MST1R: variants seen among roughly 807,000 people sequenced by gnomAD.
The protein encoded by MST1R is macrophage-stimulating protein receptor.
In MST1R, 99 loss-of-function variants were observed where a neutral mutation model predicts 117.8. That is an observed-to-expected ratio of 0.84 (90% CI 0.71 to 0.99). The LOEUF (loss-of-function observed/expected upper bound fraction) is 0.99. Among genes scored for constraint, MST1R ranks in the 50% least tolerant of loss-of-function variants. MST1R has a pLI of 0.00. For synonymous variants in MST1R, 734 were observed against 765.3 expected (o/e 0.96, Z 0.68); for missense variants, 1,683 against 1,840.2 (o/e 0.91, Z 1.56).
chr3:49,889,906 C>T lies in MST1R; in HGVS notation c.3947+18G>A, dbSNP rs199540142. 8.7e-5 allele frequency: 141 copies of T among 1,614,058 alleles called. 4 individuals are homozygous for T. In the East Asian group the frequency reaches 3.1e-3, roughly 36 times the overall value. Reference sequence around the variant, plus strand: ...CTGGGGCCCAGTTCCCTCCCCACTACCACCTCCACATACTCACAGAGAATC... The same window carrying T: ...CTGGGGCCCAGTTCCCTCCCCACTATCACCTCCACATACTCACAGAGAATC... On this transcript the variant is annotated intron_variant, in intron 19 of 19. Transcript: ENST00000296474.
rs749581478 is a variant in MST1R, at chr3:49,902,951, C to A, written c.659G>T (p.Arg220Leu). The change falls in exon 1 of 20, where the codon CGT becomes CTT. Residue 220 changes from arginine to leucine, a missense_variant. Physicochemically the swap from Arg to Leu is moderately radical, Grantham distance 102 (BLOSUM62 -2). Coordinates refer to ENST00000296474, the MANE Select transcript of MST1R (RefSeq NM_002447.4). ...GAATCCCGAGGCGTCAGCCTTGAGA[C>A]GCCTGATAGACACTGAGCGTGGGCT... ...SFSPRSVSIR[R>L]LKADASGFAP... is the part of the protein sequence containing the mutation. 3 of 1,613,324 alleles carry A rather than the reference C, an allele frequency of 1.9e-6. No individual in the cohort carries two copies. Among genetic ancestry groups the A allele is most frequent in the South Asian group, 2.2e-5 (2 of 91,090 alleles).
rs1384024256 is a variant in MST1R, at chr3:49,898,555, G to A, written c.1682C>T (p.Ser561Phe). ...MCGQQKECPG[S>F]WQQDHCPPKL... ...AGGTGGGCAGTGGTCCTGTTGCCAGGAGCCAGGACACTCCTTCTGCTGGCC... is the reference window on the plus strand; with the variant it reads ...AGGTGGGCAGTGGTCCTGTTGCCAGAAGCCAGGACACTCCTTCTGCTGGCC... Residue 561 changes from serine (S) to phenylalanine (F), a missense_variant, in exon 4 of 20, where the codon TCC becomes TTC. Physicochemically the swap from Ser to Phe is radical, Grantham distance 155. Transcript: ENST00000296474. 3.7e-6 allele frequency: 6 copies of A among 1,613,902 alleles called. No homozygotes were observed. Among genetic ancestry groups the A allele is most frequent in the Non-Finnish European group, 4.2e-6 (5 of 1,180,044 alleles).
At position 49,898,106 on chromosome 3, in the gene MST1R, C is replaced by T; in HGVS notation, c.1825G>A (p.Val609Ile). ...SGLVPEGTHQ[V>I]TVGQSPCRPL... ...CGGCAGGGACTTTGGCCCACAGTGA[C>T]CTGATGGGTTCCCTCAGGCACCAGA... Residue 609 changes from valine (V) to isoleucine (I), a missense_variant, in exon 5 of 20, where the codon GTC becomes ATC. Coordinates refer to ENST00000296474, the MANE Select transcript of MST1R (RefSeq NM_002447.4). The T allele has an allele frequency of 3.1e-6, 5 of 1,614,098 alleles. No homozygotes were observed. Among genetic ancestry groups the T allele is most frequent in the Non-Finnish European group, 4.2e-6 (5 of 1,180,026 alleles).
chr3:49,899,622 C>T, intron 1 of MST1R: 1 of 215,106 alleles, frequency 4.6e-6, no homozygotes, highest in East Asian at 1.2e-4. Context: ...GTTGCTGGGG[C>T]TGGAGGGCAA....
rs1411426760 is a variant in MST1R at position 49,898,918 on chromosome 3, C to CT, written c.1496dup (p.Arg500AlafsTer71). 1.2e-6 allele frequency: 2 copies of CT among 1,614,184 alleles called. No homozygotes were observed. The highest frequency in any genetic ancestry group is 4.5e-5 in the East Asian group (2 of 44,888). ...GGTCCCCAAGACGACTGACATCCCG[C>CT]TGCACGGGCTGCCCACTGTCACCCA... On this transcript the variant is annotated frameshift_variant, in exon 3 of 20. Transcript: ENST00000296474. LOFTEE classifies it high-confidence loss of function.
chr3:49,895,978 C>A lies in MST1R; in HGVS notation c.2779G>T (p.Asp927Tyr), dbSNP rs777650286. Residue 927 changes from aspartate to tyrosine, a missense_variant, in exon 11 of 20, where the codon GAT becomes TAT. By Grantham distance (160) the Asp-to-Tyr change is radical (BLOSUM62 -3). Coordinates refer to ENST00000296474, the MANE Select transcript of MST1R (RefSeq NM_002447.4). ...CTGCCTACCTGCAATGGGGCACCAT[C>A]CTGGCCAAGCTGCAGGGATGGGGGC... ...PLPPSLQLGQ[D>Y]GAPLQVCVDG... is the part of the protein sequence containing the mutation. 1.3e-6 allele frequency: 2 copies of A among 1,577,578 alleles called. No homozygotes were observed. Among genetic ancestry groups the A allele is most frequent in the South Asian group, 2.4e-5 (2 of 83,674 alleles).
Position 49,903,185 on chromosome 3 carries a change from CGG to C in MST1R, c.423_424del (p.Arg142LeufsTer5), listed in dbSNP as rs2082749344. The C allele has an allele frequency of 1.9e-6, 3 of 1,605,222 alleles. No individual in the cohort carries two copies. The African/African-American group carries it at 4.0e-5, about 21-fold the overall frequency. ...GGGCTCTAGGTCATGCAGGAAGCAGCGGCCCTGCAGGCTGGAGCCACAACTGA... is the reference window on the plus strand; with the variant it reads ...GGGCTCTAGGTCATGCAGGAAGCAGCCCCTGCAGGCTGGAGCCACAACTGA... On this transcript the variant is annotated frameshift_variant, in exon 1 of 20. Transcript: ENST00000296474. LOFTEE classifies it high-confidence loss of function.
rs142316058 is a variant in MST1R, at chr3:49,887,852, C to T, written c.3948-290G>A. Among the ~76,000 whole-genome samples the T allele has an allele frequency of 2.0e-3, 304 of 152,346 alleles. 3 individuals are homozygous for T. The highest frequency in any genetic ancestry group is 7.0e-3 in the African/African-American group (291 of 41,574). On this transcript the variant is annotated intron_variant, in intron 19 of 19. Coordinates refer to ENST00000296474, the MANE Select transcript of MST1R (RefSeq NM_002447.4). ...GGATAAGTTCCTTAACTTCTCTGTGCCTCTGGGTCCTCCTCTGATCACAGA... is the reference window on the plus strand; with the variant it reads ...GGATAAGTTCCTTAACTTCTCTGTGTCTCTGGGTCCTCCTCTGATCACAGA...
At chr3:49,899,457 GC>G in intron 1 of MST1R, 194 bp from the exon 2 acceptor site, 1 of 601,978 alleles carries the variant, frequency 1.7e-6, no homozygotes, top group Non-Finnish European at 2.9e-6. Context: ...CAGGGAGAAG[GC>G]CCAGGCTGGA....
intron 14 of MST1R, among the ~76,000 whole-genome samples, chr3:49,894,283 C>T (rs1246399845): frequency 6.6e-6 from 1 of 151,652 alleles, no homozygotes; most frequent in Non-Finnish European, 1.5e-5. Flanking sequence ...ATAAAACAGG[C>T]TGGGTTCGGT....
In MST1R at chr3:49,902,402, G is replaced by A. The variant is rs371024286; in HGVS notation, c.1208C>T (p.Ser403Leu). The change falls in exon 1 of 20, where the codon TCG (serine) becomes TTG (leucine). Residue 403 changes from serine (S) to leucine (L), a missense_variant. Physicochemically the swap from Ser to Leu is moderately radical, Grantham distance 145. Transcript: ENST00000296474. ...TACCGGGTTGGGGCAAAAACTGGGC[G>A]ACTGGAAGAAGTCGAGGCCTCGCCG... ...GLRRGLDFFQ[S>L]PSFCPNPPGL... is the part of the protein sequence containing the mutation. 6.6e-5 allele frequency: 107 copies of A among 1,613,718 alleles called. No homozygotes were observed. The highest frequency in any genetic ancestry group is 9.9e-5 in the South Asian group (9 of 91,052).
At position 49,896,849 on chromosome 3, in the gene MST1R, G is replaced by A; in HGVS notation, c.2225C>T (p.Ala742Val). 6.5e-7 allele frequency: 1 copy of A among 1,549,464 alleles called. No homozygotes were observed. The highest frequency in any genetic ancestry group is 1.4e-5 in the African/African-American group (1 of 73,100). Residue 742 changes from alanine to valine, a missense_variant, in exon 8 of 20, where the codon GCC becomes GTC. Physicochemically the swap from Ala to Val is moderately conservative, Grantham distance 64. Transcript: ENST00000296474. ...GCTAAGGGGGACACTGGCCACCGTG[G>A]CCCCAGGGGGTGTGGCACATAAAAG... is the stretch of plus-strand genomic sequence containing the variant. Reference protein sequence around the residue: ...GQLLCATPPGATVASVPLSLQ... With the variant: ...GQLLCATPPGVTVASVPLSLQ...
In MST1R at chr3:49,902,476, A is replaced by T; in HGVS notation, c.1134T>A (p.Ile378=). The T allele has an allele frequency of 1.9e-6, 3 of 1,614,152 alleles. No individual in the cohort carries two copies. Among genetic ancestry groups the T allele is most frequent in the Non-Finnish European group, 2.5e-6 (3 of 1,180,038 alleles). The change falls in exon 1 of 20, where the codon ATT becomes ATA. Residue 378 remains isoleucine (I), a synonymous_variant. Coordinates refer to ENST00000296474, the MANE Select transcript of MST1R (RefSeq NM_002447.4). Reference sequence around the variant, plus strand: ...CACAACAGCGCTCCACACCCTCATCAATTAGTGTGTCCAGCAGGTCAATGG... The same window carrying T: ...CACAACAGCGCTCCACACCCTCATCTATTAGTGTGTCCAGCAGGTCAATGG... ...AFPIDLLDTL[I]DEGVERCCES...
Position 49,903,646 on chromosome 3 carries a change from C to T in MST1R, c.-37G>A. ...GGGACCCTAGAGGATCCCTACCGGC[C>T]TGGGCCTGGACCTGGGCGTGGGCCT... On this transcript the variant is annotated 5_prime_UTR_variant, in exon 1 of 20. Transcript: ENST00000296474. 6.5e-7 allele frequency: 1 copy of T among 1,533,712 alleles called. No individual in the cohort carries two copies. Among genetic ancestry groups the T allele is most frequent in the Non-Finnish European group, 8.7e-7 (1 of 1,147,584 alleles).
rs779117766 is a variant in MST1R at position 49,898,535 on chromosome 3, G to A, written c.1702C>T (p.Pro568Ser). 6.2e-7 allele frequency: 1 copy of A among 1,613,864 alleles called. No individual in the cohort carries two copies. Among genetic ancestry groups the A allele is most frequent in the Non-Finnish European group, 8.5e-7 (1 of 1,180,004 alleles). Residue 568 changes from proline to serine, a missense_variant, in exon 4 of 20, where the codon CCA becomes TCA. Coordinates refer to ENST00000296474, the MANE Select transcript of MST1R (RefSeq NM_002447.4). Reference sequence around the variant, plus strand: ...AGCCATACCTCAGTAAGCTTAGGTGGGCAGTGGTCCTGTTGCCAGGAGCCA... The same window carrying A: ...AGCCATACCTCAGTAAGCTTAGGTGAGCAGTGGTCCTGTTGCCAGGAGCCA... Reference protein sequence around the residue: ...CPGSWQQDHCPPKLTEFHPHS... With the variant: ...CPGSWQQDHCSPKLTEFHPHS...
In MST1R at chr3:49,898,632, A is replaced by T; in HGVS notation, c.1605T>A (p.Arg535=). The T allele has an allele frequency of 6.2e-7, 1 of 1,614,198 alleles. No homozygotes were observed. Among genetic ancestry groups the T allele is most frequent in the Non-Finnish European group, 8.5e-7 (1 of 1,180,038 alleles). ...PGCRHFLTCG[R]CLRAWHFMGC... is the part of the protein sequence containing the mutation. The stretch of plus-strand genomic sequence containing the variant: ...CCATGAAATGCCATGCCCTTAGGCA[A>T]CGCCCACAGGTCAGGAAGTGGCGGC... Residue 535 remains arginine (R), a synonymous_variant, in exon 4 of 20, where the codon CGT becomes CGA. Coordinates refer to ENST00000296474, the MANE Select transcript of MST1R (RefSeq NM_002447.4).
intron 14 of MST1R, among the ~76,000 whole-genome samples, chr3:49,894,239 A>G (rs1425623777): frequency 1.3e-5 from 2 of 149,760 alleles, no homozygotes; most frequent in Admixed American, 6.7e-5. Context: ...ATAATAAAAT[A>G]GAATAAAAAT....
chr3:49,899,400 G>A (rs1340880618), intron 1 of MST1R, 137 bp from the exon 2 acceptor site: 26 of 893,064 alleles, frequency 2.9e-5, no homozygotes, highest in Admixed American at 5.0e-5. Flanking sequence ...TGGGCCTGCC[G>A]GTTACCATCC....
In MST1R at chr3:49,902,562, A is replaced by G; in HGVS notation, c.1048T>C (p.Phe350Leu). ...AEGQEVLFGV[F>L]VTGKDGGPGV... The stretch of plus-strand genomic sequence containing the variant: ...GGACCACCATCCTTGCCAGTCACAA[A>G]GACCCCAAATAGTACTTCCTGGCCC... Residue 350 changes from phenylalanine to leucine, a missense_variant, in exon 1 of 20, where the codon TTT becomes CTT. Phe to Leu is a conservative substitution (Grantham distance 22, BLOSUM62 0). Coordinates refer to ENST00000296474, the MANE Select transcript of MST1R (RefSeq NM_002447.4). The G allele has an allele frequency of 1.2e-6, 2 of 1,613,988 alleles. No homozygotes were observed. The highest frequency in any genetic ancestry group is 1.7e-6 in the Non-Finnish European group (2 of 1,180,050).
Sources: allele counts gnomAD v4.1 joint callset (sites outside exome capture counted in the v4.1 genomes callset), GRCh38; gene constraint gnomAD v4.1.1; transcripts MANE v1.5; gene names NCBI Gene and HGNC (gene_info 2026-07-23, HGNC 2026-07-21).